NFIB: variants seen among roughly 807,000 people sequenced by gnomAD.
NFIB encodes the protein nuclear factor 1 B-type.
A neutral mutation model predicts 61.5 loss-of-function variants in NFIB; 11 were observed. That is an observed-to-expected ratio of 0.18 (90% CI 0.11 to 0.30). The LOEUF is 0.30. NFIB is among the 10% of genes least tolerant of loss of function. The pLI, the probability that NFIB is intolerant of heterozygous loss-of-function variation, is 1.00. For missense variants in NFIB, 471 were observed against 608.9 expected (o/e 0.77, Z 2.38); for synonymous variants, 260 against 216.5 (o/e 1.20, Z -1.76).
chr9:14,491,616 A>G, the NFIB span, among the ~76,000 whole-genome samples: 3 of 152,172 alleles, frequency 2.0e-5, no homozygotes, highest in Non-Finnish European at 4.4e-5. Context: ...CAAGACACTC[A>G]TAGCTTTCTT....
chr9:14,422,280 A>C, the NFIB span, among the ~76,000 whole-genome samples: 1 of 152,146 alleles, frequency 6.6e-6, no homozygotes, highest in East Asian at 1.9e-4. Context: ...GTTATTGGCC[A>C]CTTTTACTTG....
chr9:14,142,716 T>C (rs2041882875), intron 6 of NFIB, among the ~76,000 whole-genome samples: 1 of 152,192 alleles, frequency 6.6e-6, no homozygotes, highest in Admixed American at 6.5e-5. Context: ...AAAAGAAATG[T>C]TCAACTTGCC....
chr9:14,315,597 C>G (rs1453330303), upstream of NFIB, among the ~76,000 whole-genome samples: 1 of 145,706 alleles, frequency 6.9e-6, no homozygotes, highest in Non-Finnish European at 1.5e-5. Context: ...GCTGCGGGCC[C>G]TGAGCCGCTC....
chr9:14,173,629 T>C (rs2045820389), intron 3 of NFIB, among the ~76,000 whole-genome samples: 1 of 152,150 alleles, frequency 6.6e-6, no homozygotes, highest in Non-Finnish European at 1.5e-5. Flanking sequence ...TTCTGAATTG[T>C]TTATGGTTCT....
intron 2 of NFIB, among the ~76,000 whole-genome samples, chr9:14,190,640 G>A (rs1192105784): frequency 4.6e-5 from 7 of 152,088 alleles, no homozygotes; most frequent in Non-Finnish European, 1.0e-4. Flanking sequence ...AAACAAATGA[G>A]GAGACAGTAA....
chr9:14,164,467 C>T (rs1326396310), intron 3 of NFIB, among the ~76,000 whole-genome samples: 1 of 152,108 alleles, frequency 6.6e-6, no homozygotes, highest in Non-Finnish European at 1.5e-5. Flanking sequence ...TGTATCTAAA[C>T]ATATCTGAAC....
the NFIB span, among the ~76,000 whole-genome samples, chr9:14,521,052 C>T: frequency 6.6e-6 from 1 of 152,100 alleles, no homozygotes; most frequent in East Asian, 1.9e-4. Context: ...TGAGGCTGAA[C>T]AAAAGCAGCA....
chr9:14,485,442 G>A, the NFIB span, among the ~76,000 whole-genome samples: 1 of 152,206 alleles, frequency 6.6e-6, no homozygotes, highest in African/African-American at 2.4e-5. Context: ...AGGTGTATCA[G>A]TCTTCACTGA....
the NFIB span, among the ~76,000 whole-genome samples, chr9:14,423,475 C>T: frequency 3.9e-5 from 6 of 152,258 alleles, no homozygotes; most frequent in Admixed American, 3.9e-4. Flanking sequence ...ATTTTTTCCT[C>T]TTTTTTACTT....
the NFIB span, among the ~76,000 whole-genome samples, chr9:14,516,205 A>G: frequency 6.6e-6 from 1 of 152,212 alleles, no homozygotes; most frequent in Non-Finnish European, 1.5e-5. Context: ...TGGCCCTGGA[A>G]ATTGCAAAGA....
At chr9:14,496,417 G>T in the NFIB span, among the ~76,000 whole-genome samples, 1 of 152,134 alleles carries the variant, frequency 6.6e-6, no homozygotes, top group Non-Finnish European at 1.5e-5. Context: ...GCACCATGTT[G>T]GTGCTTGAAA....
At chr9:14,209,407 A>G (rs548097934) in intron 2 of NFIB, among the ~76,000 whole-genome samples, 75 of 152,362 alleles carry the variant, frequency 4.9e-4, no homozygotes, top group Non-Finnish European at 1.2e-4. Context: ...TTAATTGTGC[A>G]TACATATTTT....
At chr9:14,391,344 C>A in intron 1 of NFIB, among the ~76,000 whole-genome samples, 1 of 5,898 alleles carries the variant, frequency 1.7e-4, no homozygotes, top group East Asian at 2.8e-3. Context: ...CCCCCCCCAC[C>A]CCCCGCCCGC....
rs754895874 is a variant in NFIB at position 14,288,429 on chromosome 9, CT to C, written c.562+18559del. ...AATTCCTATTAGATTCTTTTATTAA[CT>C]TTTTTTTAACAGAACACCAAATTTG... On this transcript the variant is annotated intron_variant, in intron 2 of 10. Coordinates refer to ENST00000380953, the MANE Select transcript of NFIB (RefSeq NM_001190737.2). Among the ~76,000 whole-genome samples, 177 of 151,958 alleles carry C rather than the reference CT, an allele frequency of 1.2e-3. 2 individuals carry two copies. The highest frequency in any genetic ancestry group is 4.1e-3 in the African/African-American group (170 of 41,508).
intron 2 of NFIB, among the ~76,000 whole-genome samples, chr9:14,256,211 GA>G (rs2056207668): frequency 2.0e-5 from 3 of 152,236 alleles, no homozygotes; most frequent in Non-Finnish European, 4.4e-5. Context: ...AAATTCCAGA[GA>G]GATTGAATTT....
chr9:14,224,425 G>T (rs1003259599), intron 2 of NFIB, among the ~76,000 whole-genome samples: 3 of 152,210 alleles, frequency 2.0e-5, no homozygotes, highest in Non-Finnish European at 4.4e-5. Flanking sequence ...ACAGTTGGAT[G>T]TTCTGCCCTA....
rs190200078 is a variant in NFIB at position 14,175,833 on chromosome 9, G to A, written c.616+3894C>T. On this transcript the variant is annotated intron_variant, in intron 3 of 10. Coordinates refer to ENST00000380953, the MANE Select transcript of NFIB (RefSeq NM_001190737.2). ...CTGCCCTAGCATTTAACATGTCTTC[G>A]TCATATTACCAGCAGAGAATTCCCC... Among the ~76,000 whole-genome samples the A allele has an allele frequency of 1.8e-3, 280 of 152,274 alleles. 2 individuals are homozygous for A. Among genetic ancestry groups the A allele is most frequent in the Non-Finnish European group, 3.3e-3 (227 of 68,024 alleles).
chr9:14,208,018 T>C (rs2049924475), intron 2 of NFIB, among the ~76,000 whole-genome samples: 2 of 152,222 alleles, frequency 1.3e-5, no homozygotes, highest in African/African-American at 4.8e-5. Flanking sequence ...CTCAGCATGA[T>C]GACTTGAAAA....
chr9:14,237,363 A>G (rs1345341173), intron 2 of NFIB, among the ~76,000 whole-genome samples: 1 of 152,182 alleles, frequency 6.6e-6, no homozygotes, highest in East Asian at 1.9e-4. Context: ...CCCTCTTCTC[A>G]TCCATCTTCA....
Sources: allele counts gnomAD v4.1 joint callset (sites outside exome capture counted in the v4.1 genomes callset), GRCh38; gene constraint gnomAD v4.1.1; transcripts MANE v1.5; gene names NCBI Gene and HGNC (gene_info 2026-07-23, HGNC 2026-07-21).